KIF3B: variants seen among roughly 807,000 people sequenced by gnomAD.
KIF3B encodes the protein kinesin family member 3B.
A neutral mutation model predicts 74.3 loss-of-function variants in KIF3B; 38 were observed. That is an observed-to-expected ratio of 0.51 (90% confidence interval 0.39 to 0.67). The LOEUF (loss-of-function observed/expected upper bound fraction) is 0.67. Among genes scored for constraint, KIF3B ranks in the 30% least tolerant of loss-of-function variants. The pLI is 0.00. For synonymous variants in KIF3B, 326 were observed against 342.5 expected (o/e 0.95, Z 0.53); for missense variants, 649 against 932.0 (o/e 0.70, Z 3.95).
intron 1 of KIF3B, among the ~76,000 whole-genome samples, chr20:32,300,589 A>T (rs573346632): frequency 1.3e-5 from 2 of 151,714 alleles, no homozygotes; most frequent in East Asian, 3.9e-4. Context: ...ATTTTTAAAA[A>T]TTTTTTTGTA....
chr20:32,292,422 C>A (rs2047696327), intron 1 of KIF3B, among the ~76,000 whole-genome samples: 1 of 151,338 alleles, frequency 6.6e-6, no homozygotes, highest in African/African-American at 2.4e-5. Flanking sequence ...AAAGCAAGAC[C>A]CCCCCCAACT....
chr20:32,279,085 A>G (rs1456568913), intron 1 of KIF3B, among the ~76,000 whole-genome samples: 1 of 151,674 alleles, frequency 6.6e-6, no homozygotes, highest in Non-Finnish European at 1.5e-5. Context: ...CACCTCGTCC[A>G]CTAATTTTTG....
chr20:32,328,357 G>C (rs765421140), intron 7 of KIF3B, among the ~76,000 whole-genome samples: 39 of 151,966 alleles, frequency 2.6e-4, no homozygotes, highest in Middle Eastern at 3.2e-3. Flanking sequence ...CCAGCGGGTG[G>C]AGCTTGCAGT....
At chr20:32,328,722 A>G (rs2047916154) in intron 7 of KIF3B, among the ~76,000 whole-genome samples, 1 of 152,128 alleles carries the variant, frequency 6.6e-6, no homozygotes, top group African/African-American at 2.4e-5. Context: ...AAGGCTGGAG[A>G]GAACACAGAT....
At chr20:32,288,682 T>C (rs2047678182) in intron 1 of KIF3B, among the ~76,000 whole-genome samples, 1 of 152,158 alleles carries the variant, frequency 6.6e-6, no homozygotes, top group Non-Finnish European at 1.5e-5. Context: ...ATAGGCTGTT[T>C]ATTGGCAACA....
chr20:32,311,308 A>G (rs1159782469), intron 2 of KIF3B, 127 bp downstream of exon 2: 4 of 971,830 alleles, frequency 4.1e-6, no homozygotes, highest in Admixed American at 2.9e-5. Context: ...CCAACAGCTC[A>G]TGATATCCAG....
At chr20:32,321,100 G>T (rs1410276900) in intron 5 of KIF3B, among the ~76,000 whole-genome samples, 1 of 152,028 alleles carries the variant, frequency 6.6e-6, no homozygotes, top group Non-Finnish European at 1.5e-5. Flanking sequence ...TTGTTGAAAG[G>T]GCTTTTCTCT....
chr20:32,303,855 C>T (rs1394403639), intron 1 of KIF3B, among the ~76,000 whole-genome samples: 1 of 55,024 alleles, frequency 1.8e-5, no homozygotes, highest in Non-Finnish European at 3.1e-5. Context: ...AACTCAGTCT[C>T]ACAAAAAAAA....
At chr20:32,323,572 C>A (rs1304360386) in intron 5 of KIF3B, among the ~76,000 whole-genome samples, 1 of 151,696 alleles carries the variant, frequency 6.6e-6, no homozygotes, top group African/African-American at 2.4e-5. Flanking sequence ...CCAGCCAATT[C>A]TTTTTATTTT....
At chr20:32,296,239 A>G (rs2047716444) in intron 1 of KIF3B, among the ~76,000 whole-genome samples, 1 of 151,970 alleles carries the variant, frequency 6.6e-6, no homozygotes, top group South Asian at 2.1e-4. Context: ...ACCCCTGTAT[A>G]TTTGTTTAAT....
intron 1 of KIF3B, among the ~76,000 whole-genome samples, chr20:32,293,241 C>T (rs2122665088): frequency 6.7e-6 from 1 of 150,040 alleles, no homozygotes; most frequent in South Asian, 2.1e-4. Flanking sequence ...GCAACTGAGA[C>T]TCTGTCTCAA....
intron 1 of KIF3B, among the ~76,000 whole-genome samples, chr20:32,306,526 C>T (rs1438805971): frequency 6.6e-6 from 1 of 150,608 alleles, no homozygotes; most frequent in Non-Finnish European, 1.5e-5. Flanking sequence ...GTATTATTAG[C>T]ACAAGCTAGG....
chr20:32,323,792 T>A (rs947801765), intron 5 of KIF3B, among the ~76,000 whole-genome samples: 6 of 151,984 alleles, frequency 3.9e-5, no homozygotes, highest in Non-Finnish European at 7.4e-5. Context: ...GCAGGAAAAT[T>A]GCTTGAACCT....
At chr20:32,312,117 TTTC>T (rs1400803030) in intron 2 of KIF3B, among the ~76,000 whole-genome samples, 3 of 126,854 alleles carry the variant, frequency 2.4e-5, no homozygotes, top group East Asian at 4.5e-4. Flanking sequence ...TTTTTCTTTC[TTTC>T]TTTTTTTTTT....
At position 32,334,595 on chromosome 20, in the gene KIF3B, C is replaced by T. The variant is rs14353; in HGVS notation, c.*3276C>T. The T allele has an allele frequency of 0.34, 52,417 of 152,336 alleles. 10,319 individuals are homozygous for T. The highest frequency in any genetic ancestry group is 0.74 in the East Asian group (3,825 of 5,164). The allele number at this position is 152,336 out of a possible 1,614,324, so 9.4% of individuals were successfully genotyped here. The stretch of plus-strand genomic sequence containing the variant: ...AGACCATCTGAACCCCATCAGTGGA[C>T]GAAAATGGGGCTGTTAATATACTCT... On this transcript the variant is annotated 3_prime_UTR_variant, in exon 9 of 9. Coordinates refer to ENST00000375712, the MANE Select transcript of KIF3B (RefSeq NM_004798.4).
rs1173742704 is a variant in KIF3B at position 32,331,402 on chromosome 20, G to A, written c.*83G>A. 3 of 1,141,426 alleles carry A rather than the reference G, an allele frequency of 2.6e-6. No individual in the cohort carries two copies. 70.7% of individuals were successfully genotyped at this position (1,141,426 alleles called of 1,614,324 possible). On this transcript the variant is annotated 3_prime_UTR_variant, in exon 9 of 9. Coordinates refer to ENST00000375712, the MANE Select transcript of KIF3B (RefSeq NM_004798.4). ...AGCAAAAAGCTGCAGAGAGGATTCG[G>A]CCCAAACTCAGAACTGTTCCCCTGA...
chr20:32,331,141 T>G, intron 8 of KIF3B, 82 bp from the exon 9 acceptor site: 1 of 1,025,866 alleles, frequency 9.7e-7, no homozygotes. Context: ...AAGAATGGCC[T>G]GAAATGAAAT....
chr20:32,290,011 G>T (rs1225212934), intron 1 of KIF3B, among the ~76,000 whole-genome samples: 2 of 152,032 alleles, frequency 1.3e-5, no homozygotes, highest in Admixed American at 6.6e-5. Context: ...GTCCTCACAC[G>T]GCCCCAAGCA....
chr20:32,324,453 A>C (rs548351678), intron 5 of KIF3B, among the ~76,000 whole-genome samples: 49 of 152,156 alleles, frequency 3.2e-4, no homozygotes, highest in Non-Finnish European at 6.2e-4. Context: ...GTTCATTTCT[A>C]GTAGGTTCCA....
Sources: gnomAD v4.1 joint callset for allele counts (sites outside exome capture counted in the v4.1 genomes callset) on GRCh38, gnomAD v4.1.1 for gene constraint, MANE v1.5 for transcripts, NCBI Gene and HGNC (gene_info 2026-07-23, HGNC 2026-07-21) for gene names.